Variants in ZC3H12B observed in about 807,000 individuals in gnomAD.
The protein encoded by ZC3H12B is probable ribonuclease ZC3H12B.
ZC3H12B carries 7 observed loss-of-function variants against 43.9 expected under a neutral mutation model. The observed-to-expected ratio is 0.16, with a 90% confidence interval of 0.09 to 0.30. ZC3H12B has a LOEUF of 0.30. ZC3H12B is among the 10% of genes least tolerant of loss of function. ZC3H12B has a pLI of 1.00. For synonymous variants in ZC3H12B, 222 were observed against 241.7 expected (o/e 0.92, Z 0.76); for missense variants, 475 against 670.2 (o/e 0.71, Z 3.22).
At chrX:65,095,191 A>C in the ZC3H12B span, among the ~76,000 whole-genome samples, 1 of 112,022 alleles carries the variant, frequency 8.9e-6, no homozygotes, top group Non-Finnish European at 1.9e-5. Flanking sequence ...TTAGATTACA[A>C]AATGGATCTG....
the ZC3H12B span, among the ~76,000 whole-genome samples, chrX:65,110,470 A>G: frequency 5.5e-5 from 6 of 109,285 alleles, no homozygotes; most frequent in Non-Finnish European, 1.1e-4. Flanking sequence ...ACTTTGGTAT[A>G]AGACATAAGA....
chrX:65,381,621 A>G (rs1290984151), intron 2 of ZC3H12B, among the ~76,000 whole-genome samples: 1 of 112,044 alleles, frequency 8.9e-6, no homozygotes, highest in African/African-American at 3.2e-5. Context: ...AACTGAAGGA[A>G]ATAGAGACAC....
the ZC3H12B span, among the ~76,000 whole-genome samples, chrX:65,038,877 A>G: frequency 9.0e-6 from 1 of 111,731 alleles, no homozygotes; most frequent in African/African-American, 3.2e-5. Flanking sequence ...ATGCTAAACT[A>G]TGATCTTTAT....
At chrX:65,222,385 A>G in the ZC3H12B span, among the ~76,000 whole-genome samples, 3 of 110,699 alleles carry the variant, frequency 2.7e-5, no homozygotes, top group Non-Finnish European at 5.7e-5. Flanking sequence ...AATGGCATCC[A>G]AATCAGTAAA....
the ZC3H12B span, among the ~76,000 whole-genome samples, chrX:65,164,380 A>G: frequency 9.0e-6 from 1 of 111,300 alleles, no homozygotes; most frequent in Non-Finnish European, 1.9e-5. Context: ...TCTGAAAAAT[A>G]CCTCAAACAC....
the ZC3H12B span, among the ~76,000 whole-genome samples, chrX:65,154,733 C>G: frequency 9.0e-6 from 1 of 111,149 alleles, no homozygotes. Context: ...GTGATTCCAG[C>G]TATGAAGGAG....
chrX:65,226,433 A>T, the ZC3H12B span, among the ~76,000 whole-genome samples: 2 of 111,940 alleles, frequency 1.8e-5, no homozygotes, highest in East Asian at 2.8e-4. Flanking sequence ...AATTGTAAAG[A>T]CCGTCAAGGC....
the ZC3H12B span, among the ~76,000 whole-genome samples, chrX:65,191,569 T>C: frequency 2.9e-5 from 3 of 103,706 alleles, no homozygotes; most frequent in Non-Finnish European, 5.7e-5. Context: ...TCTTCTAGAT[T>C]TTCTAGTTTA....
the ZC3H12B span, among the ~76,000 whole-genome samples, chrX:65,057,871 G>T: frequency 9.0e-6 from 1 of 111,502 alleles, no homozygotes; most frequent in Non-Finnish European, 1.9e-5. Flanking sequence ...CCAGTTGATC[G>T]AATTGGCTAC....
the ZC3H12B span, among the ~76,000 whole-genome samples, chrX:65,095,299 C>A: frequency 9.0e-6 from 1 of 111,714 alleles, no homozygotes; most frequent in African/African-American, 3.3e-5. Context: ...AAGTGTAAGA[C>A]AAACACTTCT....
the ZC3H12B span, among the ~76,000 whole-genome samples, chrX:65,326,315 G>A: frequency 2.0e-4 from 22 of 111,488 alleles, no homozygotes; most frequent in African/African-American, 3.2e-4. Context: ...AATGAACTCC[G>A]TAGAAAGAAA....
chrX:65,254,992 C>T, the ZC3H12B span, among the ~76,000 whole-genome samples: 2 of 110,769 alleles, frequency 1.8e-5, no homozygotes, highest in South Asian at 3.8e-4. Context: ...TCTGACATAA[C>T]TCAGACCAAA....
the ZC3H12B span, among the ~76,000 whole-genome samples, chrX:65,048,141 A>G: frequency 9.0e-6 from 1 of 111,361 alleles, no homozygotes; most frequent in East Asian, 2.8e-4. Flanking sequence ...AACTGAAATA[A>G]TGTAGTATTT....
the ZC3H12B span, among the ~76,000 whole-genome samples, chrX:65,332,561 C>T: frequency 8.1e-5 from 9 of 111,138 alleles, no homozygotes; most frequent in South Asian, 3.4e-3. Context: ...TAGATGAGTC[C>T]AGTATGTGTT....
chrX:65,165,293 C>G, the ZC3H12B span, among the ~76,000 whole-genome samples: 1 of 111,970 alleles, frequency 8.9e-6, no homozygotes, highest in Middle Eastern at 4.6e-3. Context: ...TTTAAGTTCT[C>G]AGATACATGT....
chrX:65,150,725 C>T, the ZC3H12B span, among the ~76,000 whole-genome samples: 1 of 111,838 alleles, frequency 8.9e-6, no homozygotes, highest in Non-Finnish European at 1.9e-5. Flanking sequence ...ACCACACAGG[C>T]TTTTTTATTT....
chrX:65,423,151 T>G (rs888361222), intron 3 of ZC3H12B, among the ~76,000 whole-genome samples: 9 of 110,214 alleles, frequency 8.2e-5, no homozygotes, highest in Non-Finnish European at 1.3e-4. Flanking sequence ...CAGGATGGTC[T>G]TGATCTCCTG....
At chrX:65,147,053 T>A in the ZC3H12B span, among the ~76,000 whole-genome samples, 1 of 112,469 alleles carries the variant, frequency 8.9e-6, no homozygotes, top group South Asian at 3.7e-4. Flanking sequence ...TCCTTTCACA[T>A]GTTGTTTACT....
chrX:65,148,317 CTG>C, the ZC3H12B span, among the ~76,000 whole-genome samples: 4 of 111,053 alleles, frequency 3.6e-5, no homozygotes, highest in Non-Finnish European at 7.6e-5. Flanking sequence ...GGCTTGGAGA[CTG>C]TAATTGCAGA....
Sources: gnomAD v4.1 joint callset for allele counts (sites outside exome capture counted in the v4.1 genomes callset) on GRCh38, gnomAD v4.1.1 for gene constraint, MANE v1.5 for transcripts, NCBI Gene and HGNC (gene_info 2026-07-23, HGNC 2026-07-21) for gene names.